SENP6: variants seen among roughly 807,000 people sequenced by gnomAD.
The protein encoded by SENP6 is SUMO specific peptidase 6.
Under a neutral mutation model 134.5 loss-of-function variants are expected in SENP6, and 41 were observed. The observed-to-expected ratio is 0.30, with a 90% CI of 0.24 to 0.40. SENP6 has a LOEUF of 0.40. Among genes scored for constraint, SENP6 ranks in the 10% least tolerant of loss-of-function variants. The pLI, the probability that SENP6 is intolerant of heterozygous loss-of-function variation, is 1.00. For missense variants in SENP6, 1,248 were observed against 1,312.5 expected (o/e 0.95, Z 0.76); for synonymous variants, 395 against 429.8 (o/e 0.92, Z 1.00).
At chr6:75,659,473 T>A in intron 8 of SENP6, 66 bp downstream of exon 8, 1 of 1,404,734 alleles carries the variant, frequency 7.1e-7, no homozygotes, top group South Asian at 1.3e-5. Flanking sequence ...GTTTCAGTAC[T>A]TATTAAATTC....
chr6:75,619,689 A>G (rs945379229), intron 1 of SENP6, among the ~76,000 whole-genome samples: 1 of 152,172 alleles, frequency 6.6e-6, no homozygotes, highest in East Asian at 1.9e-4. Context: ...GGAACTGCCA[A>G]ATTATTTTCT....
At chr6:75,606,851 A>G (rs1767066232) in intron 1 of SENP6, among the ~76,000 whole-genome samples, 1 of 152,170 alleles carries the variant, frequency 6.6e-6, no homozygotes. Context: ...GGGACACTTA[A>G]CCTGAAATCA....
At chr6:75,622,112 A>G (rs1207820678) in intron 2 of SENP6, among the ~76,000 whole-genome samples, 1 of 152,232 alleles carries the variant, frequency 6.6e-6, no homozygotes, top group Non-Finnish European at 1.5e-5. Context: ...ACCATTATAA[A>G]TGATAAACAC....
intron 19 of SENP6, among the ~76,000 whole-genome samples, chr6:75,706,980 C>T (rs1775442402): frequency 6.6e-6 from 1 of 152,170 alleles, no homozygotes; most frequent in Admixed American, 6.5e-5. Context: ...CACATGGTCT[C>T]CTTATATGAG....
intron 7 of SENP6, among the ~76,000 whole-genome samples, chr6:75,650,855 C>A (rs1034520401): frequency 6.6e-6 from 1 of 152,196 alleles, no homozygotes; most frequent in Non-Finnish European, 1.5e-5. Flanking sequence ...TAATTACTTG[C>A]ATAACACTTA....
intron 1 of SENP6, chr6:75,620,842 C>T (rs1561972385): frequency 1.3e-5 from 2 of 152,108 alleles, no homozygotes; most frequent in African/African-American, 4.8e-5. Context: ...TTGCTGGGGC[C>T]TTGAGGTTAA....
At chr6:75,604,090 G>C (rs1342911460) in intron 1 of SENP6, among the ~76,000 whole-genome samples, 1 of 152,128 alleles carries the variant, frequency 6.6e-6, no homozygotes, top group East Asian at 1.9e-4. Flanking sequence ...TTATACTTTT[G>C]TGCTATCCTA....
chr6:75,621,125 T>C (rs577898605), intron 1 of SENP6, among the ~76,000 whole-genome samples: 9 of 152,330 alleles, frequency 5.9e-5, no homozygotes, highest in Admixed American at 1.3e-4. Flanking sequence ...AAGGCAGGTA[T>C]CGTTGAGTTT....
chr6:75,613,114 T>TA (rs71002750), intron 1 of SENP6, among the ~76,000 whole-genome samples: 44,542 of 145,372 alleles, frequency 0.31, 7,190 homozygotes, highest in African/African-American at 0.44. Context: ...ATTCTGTCTT[T>TA]AAAAAAAAAA....
chr6:75,655,171 A>G (rs925683255), intron 7 of SENP6: 2 of 152,228 alleles, frequency 1.3e-5, no homozygotes, highest in Non-Finnish European at 1.5e-5. Flanking sequence ...CCCAGTGTGC[A>G]GCTTTGGAAG....
chr6:75,641,207 T>C (rs1770002028), intron 6 of SENP6, among the ~76,000 whole-genome samples: 2 of 152,184 alleles, frequency 1.3e-5, no homozygotes, highest in Non-Finnish European at 2.9e-5. Flanking sequence ...ATTTGGCTTA[T>C]ATAGGTGGTA....
chr6:75,706,024 C>A (rs954205236), intron 19 of SENP6, among the ~76,000 whole-genome samples: 2 of 146,310 alleles, frequency 1.4e-5, no homozygotes, highest in Non-Finnish European at 3.0e-5. Flanking sequence ...GCAACCTCCC[C>A]CTCCTGGGTT....
intron 1 of SENP6, among the ~76,000 whole-genome samples, chr6:75,620,398 A>G (rs552569255): frequency 6.6e-6 from 1 of 152,178 alleles, no homozygotes; most frequent in Non-Finnish European, 1.5e-5. Flanking sequence ...AAGTTAGATC[A>G]AGAGGTCCAG....
At chr6:75,706,632 C>G (rs935042562) in intron 19 of SENP6, among the ~76,000 whole-genome samples, 1 of 152,006 alleles carries the variant, frequency 6.6e-6, no homozygotes, top group African/African-American at 2.4e-5. Flanking sequence ...CTTGTATATC[C>G]CATTTACTCA....
rs866846650 is a variant in SENP6, at chr6:75,663,825, G to C, written c.994+307G>C. Among the ~76,000 whole-genome samples, 151 of 149,068 alleles carry C rather than the reference G, an allele frequency of 1.0e-3. 2 individuals carry two copies. In the Middle Eastern group the frequency reaches 0.021, roughly 20 times the overall value. On this transcript the variant is annotated intron_variant, in intron 9 of 23. Coordinates refer to ENST00000447266, the MANE Select transcript of SENP6 (RefSeq NM_015571.4). ...GATAGTGGGTTTTTTTTTTTGTGGG[G>C]GGGGGGGTGCCTAAAATAACATAAA...
At chr6:75,649,195 A>G (rs894213059) in intron 7 of SENP6, among the ~76,000 whole-genome samples, 2 of 151,966 alleles carry the variant, frequency 1.3e-5, no homozygotes, top group Admixed American at 6.6e-5. Context: ...CATACCTATA[A>G]TCCCAGCTAC....
chr6:75,715,576 C>A lies in SENP6; in HGVS notation c.3321C>A (p.Val1107=). The change falls in exon 24 of 24, where the codon GTC becomes GTA. Residue 1107 remains valine (V), a synonymous_variant. Coordinates refer to ENST00000447266, the MANE Select transcript of SENP6 (RefSeq NM_015571.4). ...APLGEGTEQY[V]NSISD ...TAGGCGAAGGAACAGAACAATATGT[C>A]AATAGTATCTCAGATTGACCATTTC... The A allele has an allele frequency of 6.2e-7, 1 of 1,609,306 alleles. No homozygotes were observed. The highest frequency in any genetic ancestry group is 1.1e-5 in the South Asian group (1 of 90,548).
chr6:75,626,551 A>AT (rs759994329), intron 3 of SENP6, among the ~76,000 whole-genome samples: 1 of 152,140 alleles, frequency 6.6e-6, no homozygotes, highest in South Asian at 2.1e-4. Flanking sequence ...ATGAATAGAG[A>AT]TTTTTTTCCC....
At chr6:75,628,112 T>C (rs1423964210) in intron 3 of SENP6, among the ~76,000 whole-genome samples, 1 of 152,232 alleles carries the variant, frequency 6.6e-6, no homozygotes, top group Non-Finnish European at 1.5e-5. Context: ...TCTGATATGA[T>C]AGTATCATCT....
Sources: gnomAD v4.1 joint callset for allele counts (sites outside exome capture counted in the v4.1 genomes callset) on GRCh38, gnomAD v4.1.1 for gene constraint, MANE v1.5 for transcripts, NCBI Gene and HGNC (gene_info 2026-07-23, HGNC 2026-07-21) for gene names.